Variants in UTY observed in about 807,000 individuals in gnomAD.
UTY encodes histone demethylase UTY.
In UTY, 12 loss-of-function variants were observed where a neutral mutation model predicts 32.5. That is an observed-to-expected ratio of 0.37 (90% CI 0.24 to 0.60). The LOEUF is 0.60. Among genes scored for constraint, UTY ranks in the 20% least tolerant of loss-of-function variants. The pLI, the probability that UTY is intolerant of heterozygous loss-of-function variation, is 0.69. For missense variants in UTY, 303 were observed against 299.2 expected (o/e 1.01, Z -0.09); for synonymous variants, 131 against 103.4 (o/e 1.27, Z -1.62).
At chrY:13,303,856 T>C in intron 24 of UTY, among the ~76,000 whole-genome samples, 1 of 33,734 alleles carries the variant, frequency 3.0e-5, no homozygotes, top group Admixed American at 2.7e-4. Context: ...TATGTTCATT[T>C]GTATTGTATT....
upstream of UTY, chrY:13,480,670 CAAAAAAAAAAA>C (rs754307942): frequency 4.4e-4 from 2 of 4,502 alleles, no homozygotes; most frequent in Admixed American, 5.0e-3. Flanking sequence ...AAACGATGAG[CAAAAAAAAAAA>C]AAAAAAAAAA....
chrY:13,285,708 T>C (rs1335900717), intron 27 of UTY, among the ~76,000 whole-genome samples: 1 of 33,432 alleles, frequency 3.0e-5, no homozygotes, highest in Non-Finnish European at 7.4e-5. Flanking sequence ...CTAGATAGGG[T>C]TTCCAAAGGC....
At chrY:13,473,921 T>C in intron 2 of UTY, among the ~76,000 whole-genome samples, 1 of 33,647 alleles carries the variant, frequency 3.0e-5, no homozygotes, top group African/African-American at 1.2e-4. Flanking sequence ...GCAGTTTTTA[T>C]ATGCAACTGA....
Position 13,355,278 on chromosome Y carries a change from C to T in UTY, c.1786G>A (p.Val596Ile). The T allele has an allele frequency of 2.5e-6, 1 of 398,090 alleles. No individual in the cohort carries two copies. Among genetic ancestry groups the T allele is most frequent in the Non-Finnish European group, 3.5e-6 (1 of 283,129 alleles). The change falls in exon 17 of 30, where the codon GTA (valine) becomes ATA (isoleucine). Residue 596 changes from valine to isoleucine, a missense_variant. Physicochemically the swap from Val to Ile is conservative, Grantham distance 29. Coordinates refer to ENST00000545955, the MANE Select transcript of UTY (RefSeq NM_001258249.2). ...NRQPHGALTR[V>I]SSVSQPGVRP... ...ACTCCAGGCTGAGAGACGCTAGATA[C>T]TCTGGTCAGAGCACCATGTGGTTGT...
chrY:13,260,701 G>A, intron 27 of UTY, among the ~76,000 whole-genome samples: 1 of 33,121 alleles, frequency 3.0e-5, no homozygotes, highest in Admixed American at 2.8e-4. Context: ...AATAACTTTT[G>A]TAAGAGTCAA....
At chrY:13,480,291 C>G, upstream of UTY, 1 of 34,234 alleles carries the variant, frequency 2.9e-5, no homozygotes, top group African/African-American at 1.2e-4. Context: ...TTTGCAGTTG[C>G]GATACGCTTG....
At chrY:13,372,031 C>T (rs2064965673) in intron 8 of UTY, among the ~76,000 whole-genome samples, 1 of 33,536 alleles carries the variant, frequency 3.0e-5, no homozygotes, top group Non-Finnish European at 7.4e-5. Context: ...TGTTCATGAA[C>T]TGAAATTCCT....
At chrY:13,369,186 G>GA (rs2064627790) in intron 9 of UTY, 70 bp downstream of exon 9, 3 of 175,298 alleles carry the variant, frequency 1.7e-5, no homozygotes, top group Admixed American at 1.3e-4. Context: ...TAAGCAGAGG[G>GA]AAAAAAATTG....
At chrY:13,414,681 T>A in intron 5 of UTY, 54 bp downstream of exon 5, 3 of 306,572 alleles carry the variant, frequency 9.8e-6, no homozygotes, top group Non-Finnish European at 9.6e-6. Flanking sequence ...AAATGTATGG[T>A]TACAGACATT....
chrY:13,305,453 G>A lies in UTY; in HGVS notation c.3511C>T (p.Leu1171=). 2.5e-6 allele frequency: 1 copy of A among 396,343 alleles called. No individual in the cohort carries two copies. The highest frequency in any genetic ancestry group is 6.2e-5 in the African/African-American group (1 of 16,129). Residue 1171 remains leucine (L), a synonymous_variant, in exon 24 of 30, where the codon CTG becomes TTG. Transcript: ENST00000545955. ...NLLTHVGHTI[L]GMNTVQLYMK... ...TACAGTTGTACTGTATTCATGCCCA[G>A]AATGGTATGCCCAACATGGGTTAGA...
intron 24 of UTY, among the ~76,000 whole-genome samples, chrY:13,303,731 A>G: frequency 3.0e-5 from 1 of 33,615 alleles, no homozygotes; most frequent in African/African-American, 1.2e-4. Flanking sequence ...TGACAAGGAG[A>G]TAATCTATTA....
chrY:13,364,143 A>C, intron 10 of UTY, among the ~76,000 whole-genome samples: 2 of 32,086 alleles, frequency 6.2e-5, no homozygotes, highest in Non-Finnish European at 1.5e-4. Flanking sequence ...TTTCAAAAAA[A>C]AAAACATTGT....
At chrY:13,298,440 A>G (rs543893254) in intron 26 of UTY, among the ~76,000 whole-genome samples, 5 of 33,562 alleles carry the variant, frequency 1.5e-4, no homozygotes, top group African/African-American at 5.8e-4. Flanking sequence ...TGCAAAGAAA[A>G]TCATTTATAT....
In UTY at chrY:13,260,798, C is replaced by G. The variant is rs1042251645; in HGVS notation, c.4011-394G>C. On this transcript the variant is annotated intron_variant, in intron 27 of 29. Transcript: ENST00000545955. ...GGCAAGAAGGTTGCCTATACCCTCACAAGCAGTTATATAATAGATTTTAAA... is the reference window on the plus strand; with the variant it reads ...GGCAAGAAGGTTGCCTATACCCTCAGAAGCAGTTATATAATAGATTTTAAA... Among the ~76,000 whole-genome samples, 7 of 33,074 alleles carry G rather than the reference C, an allele frequency of 2.1e-4. No individual in the cohort carries two copies. The South Asian group carries it at 4.7e-3, about 22-fold the overall frequency. 88.7% of individuals were successfully genotyped at this position (33,074 alleles called of 37,273 possible). A position where few individuals can be genotyped will look rare whatever the true frequency, so the allele number is the denominator to read the frequency against.
At chrY:13,310,963 C>T (rs2059006420) in intron 21 of UTY, among the ~76,000 whole-genome samples, 3 of 31,164 alleles carry the variant, frequency 9.6e-5, no homozygotes, top group Non-Finnish European at 2.3e-4. Context: ...GTGGCACAGG[C>T]GGTAATCCCA....
At chrY:13,441,987 C>A (rs2075235740) in intron 4 of UTY, among the ~76,000 whole-genome samples, 1 of 33,364 alleles carries the variant, frequency 3.0e-5, no homozygotes, top group African/African-American at 1.2e-4. Context: ...TTATTATGGC[C>A]CAGCCACCTG....
intron 8 of UTY, among the ~76,000 whole-genome samples, chrY:13,377,247 C>CA (rs2065484573): frequency 3.0e-5 from 1 of 32,794 alleles, no homozygotes; most frequent in Non-Finnish European, 7.5e-5. Context: ...TGCACAACAA[C>CA]AAAAAAAATC....
intron 27 of UTY, among the ~76,000 whole-genome samples, chrY:13,290,000 T>A (rs2057665718): frequency 7.0e-5 from 2 of 28,527 alleles, no homozygotes; most frequent in Admixed American, 6.4e-4. Context: ...TAAAAAAAAA[T>A]AAATAAAAAA....
chrY:13,378,318 T>C lies in UTY; in HGVS notation c.646-8969A>G, dbSNP rs748493771. 1.8e-4 allele frequency among the ~76,000 whole-genome samples: 6 copies of C among 32,472 alleles called. No individual in the cohort carries two copies. The East Asian group carries it at 4.7e-3, about 26-fold the overall frequency. 87.1% of individuals were successfully genotyped at this position (32,472 alleles called of 37,273 possible). The stretch of plus-strand genomic sequence containing the variant: ...ATGAAATTTTAGAAGATAAATCACA[T>C]AATCCCAAACAGGTCAATAATCTTC... On this transcript the variant is annotated intron_variant, in intron 8 of 29. Coordinates refer to ENST00000545955, the MANE Select transcript of UTY (RefSeq NM_001258249.2).
Sources: gnomAD v4.1 joint callset for allele counts (sites outside exome capture counted in the v4.1 genomes callset) on GRCh38, gnomAD v4.1.1 for gene constraint, MANE v1.5 for transcripts, NCBI Gene and HGNC (gene_info 2026-07-23, HGNC 2026-07-21) for gene names.